Variants in PCDHGA1 observed in about 807,000 individuals in gnomAD.
PCDHGA1 encodes protocadherin gamma subfamily A, 1, also known as protocadherin gamma-A1.
In PCDHGA1, 32 loss-of-function variants were observed where a neutral mutation model predicts 58.0. That is an observed-to-expected ratio of 0.55 (90% CI 0.42 to 0.74). The LOEUF (loss-of-function observed/expected upper bound fraction) is 0.74. Ranked by LOEUF, PCDHGA1 falls within the 30% of genes least tolerant of loss-of-function variation. The pLI, the probability that PCDHGA1 is intolerant of heterozygous loss-of-function variation, is 0.00. For missense variants in PCDHGA1, 1,205 were observed against 1,182.3 expected (o/e 1.02, Z -0.28); for synonymous variants, 498 against 501.1 (o/e 0.99, Z 0.08).
At chr5:141,346,639 T>C (rs1187745248) in intron 1 of PCDHGA1, 7 of 887,352 alleles carry the variant, frequency 7.9e-6, no homozygotes, top group South Asian at 1.9e-5. Context: ...CTGGTTATGG[T>C]TGAGTGGGCT....
intron 1 of PCDHGA1, among the ~76,000 whole-genome samples, chr5:141,457,274 C>T (rs1307741345): frequency 1.3e-5 from 2 of 152,200 alleles, no homozygotes; most frequent in Non-Finnish European, 2.9e-5. Context: ...CCTCTGTGGG[C>T]CTACGAAGTT....
At chr5:141,353,541 T>C (rs1218571073) in intron 1 of PCDHGA1, among the ~76,000 whole-genome samples, 1 of 152,230 alleles carries the variant, frequency 6.6e-6, no homozygotes, top group East Asian at 1.9e-4. Flanking sequence ...CATCACTAAC[T>C]TTGAGTCAAT....
chr5:141,333,322 T>C (rs781537939), intron 1 of PCDHGA1: 84 of 762,788 alleles, frequency 1.1e-4, no homozygotes, highest in Non-Finnish European at 1.6e-4. Flanking sequence ...GATCATAATG[T>C]AGGTGGTTGG....
At chr5:141,414,829 T>C (rs746789783) in intron 1 of PCDHGA1, 18 of 1,614,078 alleles carry the variant, frequency 1.1e-5, no homozygotes, top group Non-Finnish European at 1.5e-5. Context: ...CAACGTGTCG[T>C]TGAGCCTGTT....
At chr5:141,501,869 C>G (rs1595765055) in intron 2 of PCDHGA1, among the ~76,000 whole-genome samples, 1 of 152,130 alleles carries the variant, frequency 6.6e-6, no homozygotes, top group Non-Finnish European at 1.5e-5. Context: ...CCCAGGACGC[C>G]TCCTTACACT....
chr5:141,357,725 T>TTCTATAAAGCAA, intron 1 of PCDHGA1: 9 of 1,394,618 alleles, frequency 6.5e-6, no homozygotes, highest in Middle Eastern at 3.8e-4. Flanking sequence ...GTTGCCTCTT[T>TTCTATAAAGCAA]TAATATTTTA....
rs2150230162 is a variant in PCDHGA1, at chr5:141,383,367, G to T, written c.2421+50262G>T. The T allele has an allele frequency of 1.9e-6, 3 of 1,614,030 alleles. No individual in the cohort carries two copies. The East Asian group carries it at 6.7e-5, about 36-fold the overall frequency. ...CTGGGGTTCGGTTTCCGTTAAGCGA[G>T]GCTGGGGATCCAGATGTGGGCACGA... On this transcript the variant is annotated intron_variant, in intron 1 of 3. Transcript: ENST00000517417.
chr5:141,420,191 CAAGAT>C, intron 1 of PCDHGA1: 1 of 1,613,720 alleles, frequency 6.2e-7, no homozygotes, highest in Non-Finnish European at 8.5e-7. Context: ...TCCAGCCACA[CAAGAT>C]AACCTCAACA....
chr5:141,420,318 T>C, intron 1 of PCDHGA1: 1 of 1,446,376 alleles, frequency 6.9e-7, no homozygotes, highest in Non-Finnish European at 9.3e-7. Context: ...TATTACAATA[T>C]GCCAATATAT....
In PCDHGA1 at chr5:141,487,268, G is replaced by A; in HGVS notation, c.2422-7539G>A. ...CCTCTACTTGGCTGTGTCCCTAGTG[G>A]CAATTTGCTTTGTCTCCTTTGGCTC... On this transcript the variant is annotated intron_variant, in intron 1 of 3. Transcript: ENST00000517417. This position sits in a 1 kb window ranked among gnomAD's most constrained non-coding sequence, Gnocchi z 5.0. 4 of 1,614,100 alleles carry A rather than the reference G, an allele frequency of 2.5e-6. No homozygotes were observed. The South Asian group carries it at 4.4e-5, about 18-fold the overall frequency.
intron 1 of PCDHGA1, chr5:141,365,182 A>G: frequency 6.2e-7 from 1 of 1,613,876 alleles, no homozygotes; most frequent in East Asian, 2.2e-5. Context: ...TTCGCAATGA[A>G]GAAGAAAAAA....
At chr5:141,462,203 G>T (rs544238255) in intron 1 of PCDHGA1, among the ~76,000 whole-genome samples, 2 of 152,036 alleles carry the variant, frequency 1.3e-5, no homozygotes, top group African/African-American at 4.8e-5. Flanking sequence ...CAGGTGATCC[G>T]CCTGCCTCGG....
Position 141,334,320 on chromosome 5 carries a change from G to T in PCDHGA1, c.2421+1215G>T, listed in dbSNP as rs1306330106. On this transcript the variant is annotated intron_variant, in intron 1 of 3. Coordinates refer to ENST00000517417, the MANE Select transcript of PCDHGA1 (RefSeq NM_018912.3). The surrounding 1 kb of genome is among the most constrained non-coding windows in gnomAD (Gnocchi z 4.6). Reference sequence around the variant, plus strand: ...CCCTTCAGCTGGTTAAAAAGGAAAAGAAAGATGCATTAACATGCTGCCTAG... The same window carrying T: ...CCCTTCAGCTGGTTAAAAAGGAAAATAAAGATGCATTAACATGCTGCCTAG... 6.6e-6 allele frequency: 1 copy of T among 152,280 alleles called. No individual in the cohort carries two copies. The highest frequency in any genetic ancestry group is 1.5e-5 in the Non-Finnish European group (1 of 68,070). 9.4% of individuals were successfully genotyped at this position (152,280 alleles called of 1,614,324 possible). A position where few individuals can be genotyped will look rare whatever the true frequency, so the allele number is the denominator to read the frequency against.
chr5:141,429,572 T>C (rs1450720834), intron 1 of PCDHGA1, among the ~76,000 whole-genome samples: 1 of 152,226 alleles, frequency 6.6e-6, no homozygotes, highest in South Asian at 2.1e-4. Context: ...TTCAGTTACA[T>C]TTACTTTTGA....
chr5:141,355,284 C>G (rs548905369), intron 1 of PCDHGA1: 1 of 1,613,732 alleles, frequency 6.2e-7, no homozygotes, highest in East Asian at 2.2e-5. Context: ...AAATCAGGGC[C>G]GAACAGATTC....
At position 141,334,772 on chromosome 5, in the gene PCDHGA1, A is replaced by G. The variant is rs1409014075; in HGVS notation, c.2421+1667A>G. Reference sequence around the variant, plus strand: ...GGTATCCAGAATATCACTGCTGTGCATCATTAAAGCGTCATTAAGAGACCT... The same window carrying G: ...GGTATCCAGAATATCACTGCTGTGCGTCATTAAAGCGTCATTAAGAGACCT... On this transcript the variant is annotated intron_variant, in intron 1 of 3. Transcript: ENST00000517417. The surrounding 1 kb of genome is among the most constrained non-coding windows in gnomAD (Gnocchi z 4.6). 1.3e-5 allele frequency: 2 copies of G among 152,230 alleles called. No homozygotes were observed. Among genetic ancestry groups the G allele is most frequent in the Non-Finnish European group, 2.9e-5 (2 of 68,044 alleles). 9.4% of individuals were successfully genotyped at this position (152,230 alleles called of 1,614,324 possible).
intron 3 of PCDHGA1, among the ~76,000 whole-genome samples, chr5:141,506,202 G>A (rs911181875): frequency 6.6e-6 from 1 of 152,184 alleles, no homozygotes; most frequent in Non-Finnish European, 1.5e-5. Context: ...TGTAATCCCA[G>A]CACTTTGGGA....
At chr5:141,399,037 G>A (rs756325508) in intron 1 of PCDHGA1, 2 of 1,613,856 alleles carry the variant, frequency 1.2e-6, no homozygotes, top group African/African-American at 2.7e-5. Context: ...AAAGAAACTG[G>A]ATTTTGAAGA....
At chr5:141,373,959 T>A (rs1045656006) in intron 1 of PCDHGA1, 78 of 924,258 alleles carry the variant, frequency 8.4e-5, no homozygotes, top group Admixed American at 1.4e-4. Context: ...AATTCTGACC[T>A]GAAACGCTTC....
Sources: allele counts gnomAD v4.1 joint callset (sites outside exome capture counted in the v4.1 genomes callset), GRCh38; gene constraint gnomAD v4.1.1; non-coding constraint Gnocchi (gnomAD v3.1); transcripts MANE v1.5; gene names NCBI Gene and HGNC (gene_info 2026-07-23, HGNC 2026-07-21).